PREPL: variants seen among roughly 807,000 people sequenced by gnomAD.
The protein encoded by PREPL is prolyl endopeptidase-like.
A neutral mutation model predicts 70.6 loss-of-function variants in PREPL; 77 were observed. The ratio of observed to expected loss-of-function variants is 1.09; its 90% confidence interval spans 0.91 to 1.32. PREPL has a LOEUF of 1.32. Ranked by LOEUF, PREPL falls within the 40% of genes most tolerant of loss-of-function variation. PREPL has a pLI of 0.00. For synonymous variants in PREPL, 315 were observed against 264.8 expected (o/e 1.19, Z -1.84); for missense variants, 1,002 against 778.2 (o/e 1.29, Z -3.42).
intron 1 of PREPL, among the ~76,000 whole-genome samples, chr2:44,356,719 A>C (rs1268551452): frequency 6.6e-6 from 1 of 152,234 alleles, no homozygotes; most frequent in Non-Finnish European, 1.5e-5. Context: ...ACTTTTAGGC[A>C]GTAATTTGTT....
chr2:44,339,496 A>G (rs1674987573), intron 5 of PREPL, 133 bp from the exon 6 acceptor site: 6 of 1,306,302 alleles, frequency 4.6e-6, no homozygotes, highest in Non-Finnish European at 5.1e-6. Flanking sequence ...ATAATTCCTT[A>G]GTGAATATCA....
Position 44,320,797 on chromosome 2 carries a change from T to C in PREPL, c.*559A>G, listed in dbSNP as rs1672877033. 1.5e-6 allele frequency: 1 copy of C among 676,168 alleles called. No homozygotes were observed. The highest frequency in any genetic ancestry group is 1.8e-5 in the South Asian group (1 of 56,650). 41.9% of individuals were successfully genotyped at this position (676,168 alleles called of 1,614,324 possible). ...CTTTAAGAAAGGTTCTCAAATGTTT[T>C]GAAAAAAATAAAATGTTTAAAAGTA... On this transcript the variant is annotated 3_prime_UTR_variant, in exon 14 of 14. Coordinates refer to ENST00000409411, the MANE Select transcript of PREPL (RefSeq NM_001171613.2).
intron 7 of PREPL, among the ~76,000 whole-genome samples, chr2:44,334,368 C>A (rs988498094): frequency 1.3e-5 from 2 of 152,122 alleles, no homozygotes; most frequent in African/African-American, 4.8e-5. Context: ...TATGCAGACT[C>A]CTCCTCTAAA....
In PREPL at chr2:44,318,807, T is replaced by C. The variant is rs1038677757; in HGVS notation, c.*2549A>G. On this transcript the variant is annotated 3_prime_UTR_variant, in exon 14 of 14. Transcript: ENST00000409411. ...ATAGCAGACAAAATATAGTTCAATATGAAAAGCATTATATGAGACAAAGGC... is the reference window on the plus strand; with the variant it reads ...ATAGCAGACAAAATATAGTTCAATACGAAAAGCATTATATGAGACAAAGGC... The C allele has an allele frequency of 5.3e-5, 8 of 152,156 alleles. No individual in the cohort carries two copies. The highest frequency in any genetic ancestry group is 1.9e-4 in the African/African-American group (8 of 41,422). The allele number at this position is 152,156 out of a possible 1,614,324, so 9.4% of individuals were successfully genotyped here.
chr2:44,324,510 ACT>A (rs1673298762), intron 10 of PREPL, among the ~76,000 whole-genome samples: 2 of 152,164 alleles, frequency 1.3e-5, no homozygotes, highest in African/African-American at 4.8e-5. Context: ...AAGTAAAGAA[ACT>A]CTGCAAAATA....
chr2:44,334,323 A>C (rs191807377), intron 7 of PREPL, among the ~76,000 whole-genome samples: 1 of 152,306 alleles, frequency 6.6e-6, no homozygotes, highest in African/African-American at 2.4e-5. Flanking sequence ...CATCAAAAGA[A>C]TAAGACATAC....
Position 44,332,440 on chromosome 2 carries a change from T to C in PREPL, c.1086+19A>G, listed in dbSNP as rs752893036. On this transcript the variant is annotated intron_variant, in intron 8 of 13. Transcript: ENST00000409411. ...GCTTTCAGTAAATGGGAGCTGAAAG[T>C]GAAGATTATAAGACCTACCTTGCTT... The C allele has an allele frequency of 5.0e-6, 8 of 1,591,022 alleles. No homozygotes were observed. Among genetic ancestry groups the C allele is most frequent in the Non-Finnish European group, 8.6e-7 (1 of 1,160,314 alleles).
rs1162727273 is a variant in PREPL at position 44,320,680 on chromosome 2, GATTGTAAGC to G, written c.*667_*675del. 6.7e-7 allele frequency: 1 copy of G among 1,493,032 alleles called. No individual in the cohort carries two copies. The highest frequency in any genetic ancestry group is 9.3e-7 in the Non-Finnish European group (1 of 1,070,508). 92.5% of individuals were successfully genotyped at this position (1,493,032 alleles called of 1,614,324 possible). The stretch of plus-strand genomic sequence containing the variant: ...GATGAAGACACTGGCATTTCAGTGG[GATTGTAAGC>G]ATTTGTAATAGCTTCATGTACAGCA... On this transcript the variant is annotated 3_prime_UTR_variant, in exon 14 of 14. Transcript: ENST00000409411.
In PREPL at chr2:44,339,182, T is replaced by C. The variant is rs759176457; in HGVS notation, c.667A>G (p.Ile223Val). 1.2e-6 allele frequency: 2 copies of C among 1,614,014 alleles called. No homozygotes were observed. Among genetic ancestry groups the C allele is most frequent in the East Asian group, 2.2e-5 (1 of 44,872 alleles). The change falls in exon 6 of 14, where the codon ATT becomes GTT. Residue 223 changes from isoleucine to valine, a missense_variant. Physicochemically the swap from Ile to Val is conservative, Grantham distance 29 (BLOSUM62 3). Transcript: ENST00000409411. ...GTAGGTTCTCCAACATTAGTGAGAA[T>C]GTATAATTCATCATCTCTGTGTTCA... ...YVEHRDDELY[I>V]LTNVGEPTEF...
At chr2:44,344,366 C>A (rs962202977) in intron 3 of PREPL, among the ~76,000 whole-genome samples, 154 bp downstream of exon 3, 1 of 151,982 alleles carries the variant, frequency 6.6e-6, no homozygotes, top group Non-Finnish European at 1.5e-5. Flanking sequence ...CTATATCTTA[C>A]ACAAACCCAG....
At chr2:44,337,120 G>A (rs925538877) in intron 7 of PREPL, among the ~76,000 whole-genome samples, 4 of 152,148 alleles carry the variant, frequency 2.6e-5, no homozygotes, top group Middle Eastern at 3.4e-3. Context: ...AATGTATAGC[G>A]CTTTAATAAA....
Position 44,320,392 on chromosome 2 carries a change from T to G in PREPL, c.*964A>C. 6.2e-7 allele frequency: 1 copy of G among 1,614,066 alleles called. No homozygotes were observed. The highest frequency in any genetic ancestry group is 8.5e-7 in the Non-Finnish European group (1 of 1,179,922). ...GTTCTGAATTTTGGAGAATCAACAC[T>G]GTTAAATCTACATAATATGATTTCG... On this transcript the variant is annotated 3_prime_UTR_variant, in exon 14 of 14. Coordinates refer to ENST00000409411, the MANE Select transcript of PREPL (RefSeq NM_001171613.2).
chr2:44,338,368 A>T lies in PREPL; in HGVS notation c.871T>A (p.Ser291Thr), dbSNP rs755882009. 1.9e-5 allele frequency: 30 copies of T among 1,611,774 alleles called. No homozygotes were observed. The highest frequency in any genetic ancestry group is 1.8e-4 in the South Asian group (16 of 90,584). ...YVNVIGLADD[S>T]VRSLKLPPWA... ...AAACATACCTTTAGAGACCGAACTG[A>T]ATCATCAGCCAGACCAATCACATTA... is the stretch of plus-strand genomic sequence containing the variant. The change falls in exon 7 of 14, where the codon TCA becomes ACA. Residue 291 changes from serine to threonine, a missense_variant. Physicochemically the swap from Ser to Thr is moderately conservative, Grantham distance 58. Coordinates refer to ENST00000409411, the MANE Select transcript of PREPL (RefSeq NM_001171613.2).
rs754846727 is a variant in PREPL, at chr2:44,338,453, G to A, written c.786C>T (p.Asp262=). The A allele has an allele frequency of 1.2e-6, 2 of 1,612,714 alleles. No individual in the cohort carries two copies. The highest frequency in any genetic ancestry group is 1.1e-5 in the South Asian group (1 of 90,942). Residue 262 remains aspartate (D), a synonymous_variant, in exon 7 of 14, where the codon GAC becomes GAT. Transcript: ENST00000409411. ...FTMKRNTKVI[D]LDMFKDHCVL... is the part of the protein sequence containing the mutation. ...CACAGTGATCCTTAAACATGTCCAA[G>A]TCTATCACTTTTGTATTTCTCTTCA...
At chr2:44,339,103 A>C (rs553325419) in intron 6 of PREPL, 44 bp downstream of exon 6, 2 of 1,603,262 alleles carry the variant, frequency 1.2e-6, no homozygotes, top group South Asian at 2.2e-5. Context: ...GAAGTGTGAC[A>C]CTTCTTAACA....
chr2:44,348,243 ATATT>A (rs1368948880), intron 1 of PREPL, among the ~76,000 whole-genome samples: 6 of 152,260 alleles, frequency 3.9e-5, no homozygotes, highest in Admixed American at 2.0e-4. Context: ...GGAGGCTTAT[ATATT>A]TATTTTTCAT....
chr2:44,325,952 C>T (rs552077669), intron 10 of PREPL, among the ~76,000 whole-genome samples: 11 of 152,206 alleles, frequency 7.2e-5, no homozygotes, highest in East Asian at 1.9e-4. Flanking sequence ...AATTAAAATA[C>T]GGAAAAACTA....
chr2:44,335,506 G>A (rs577607317), intron 7 of PREPL, among the ~76,000 whole-genome samples: 1 of 152,166 alleles, frequency 6.6e-6, no homozygotes, highest in Non-Finnish European at 1.5e-5. Flanking sequence ...GCCATAGGCA[G>A]AAGATTGAAA....
chr2:44,346,192 T>C (rs1233053046), intron 2 of PREPL, 76 bp downstream of exon 2: 5 of 1,399,340 alleles, frequency 3.6e-6, no homozygotes, highest in Non-Finnish European at 4.9e-6. Context: ...ACTATGTCTC[T>C]AAATCACCAA....
Sources: allele counts gnomAD v4.1 joint callset (sites outside exome capture counted in the v4.1 genomes callset), GRCh38; gene constraint gnomAD v4.1.1; transcripts MANE v1.5; gene names NCBI Gene and HGNC (gene_info 2026-07-23, HGNC 2026-07-21).